Variants in SMARCA2 observed in about 807,000 individuals in gnomAD.
SMARCA2 encodes the protein SWI/SNF related BAF chromatin remodeling complex subunit ATPase 2.
In SMARCA2, 61 loss-of-function variants were observed where a neutral mutation model predicts 199.8. That is an observed-to-expected ratio of 0.31 (90% CI 0.25 to 0.38). The LOEUF (loss-of-function observed/expected upper bound fraction) is 0.38, where lower values mean the gene tolerates loss of function less well. Ranked by LOEUF, SMARCA2 falls within the 10% of genes least tolerant of loss-of-function variation. The pLI, the probability that SMARCA2 is intolerant of heterozygous loss-of-function variation, is 1.00. For missense variants in SMARCA2, 1,344 were observed against 2,012.2 expected (o/e 0.67, Z 6.35); for synonymous variants, 935 against 732.0 (o/e 1.28, Z -4.48).
intron 21 of SMARCA2, among the ~76,000 whole-genome samples, chr9:2,098,046 C>T (rs1307964014): frequency 1.3e-5 from 2 of 152,228 alleles, no homozygotes; most frequent in Non-Finnish European, 2.9e-5. Flanking sequence ...AGGACATTTT[C>T]TGCCATGTTC....
chr9:2,168,194 A>C (rs974321659), intron 28 of SMARCA2, among the ~76,000 whole-genome samples: 5 of 151,876 alleles, frequency 3.3e-5, no homozygotes, highest in African/African-American at 9.7e-5. Context: ...TATTTTTGGT[A>C]GAGACAGGGT....
intron 25 of SMARCA2, among the ~76,000 whole-genome samples, chr9:2,116,432 C>T (rs559914616): frequency 1.2e-3 from 187 of 152,090 alleles, no homozygotes; most frequent in African/African-American, 4.2e-3. Context: ...CTCTCATCCT[C>T]CAGAGCCCTC....
chr9:2,031,998 C>T (rs1356667108), intron 2 of SMARCA2, among the ~76,000 whole-genome samples: 2 of 152,158 alleles, frequency 1.3e-5, no homozygotes, highest in African/African-American at 4.8e-5. Flanking sequence ...CTCTTTATAC[C>T]AGATTCTTCC....
chr9:2,153,425 A>G (rs986084850), intron 27 of SMARCA2, among the ~76,000 whole-genome samples: 5 of 152,016 alleles, frequency 3.3e-5, no homozygotes, highest in African/African-American at 9.7e-5. Context: ...CCCAGCTCTC[A>G]GGAGGGTGAG....
At chr9:2,176,188 T>TTTTTTTTTGTTTTTTTTTTTG (rs1826586894) in intron 29 of SMARCA2, among the ~76,000 whole-genome samples, 1 of 135,562 alleles carries the variant, frequency 7.4e-6, no homozygotes, top group African/African-American at 3.4e-5. Context: ...GCCTGTTTTT[T>TTTTTTTTTGTTTTTTTTTTTG]TTTTTTTTTT....
chr9:2,158,670 C>G (rs950475476), intron 27 of SMARCA2: 51 of 317,228 alleles, frequency 1.6e-4, no homozygotes, highest in African/African-American at 1.1e-3. Flanking sequence ...TTGTGTGTGA[C>G]CCCCCAGCCC....
intron 27 of SMARCA2, among the ~76,000 whole-genome samples, chr9:2,131,821 T>C (rs1041101233): frequency 6.6e-6 from 1 of 151,416 alleles, no homozygotes; most frequent in African/African-American, 2.4e-5. Flanking sequence ...GTGCCTGTAA[T>C]CCCAGCTACT....
Position 2,170,188 on chromosome 9 carries a change from G to A in SMARCA2, c.4200-231G>A, listed in dbSNP as rs1404980076. The stretch of plus-strand genomic sequence containing the variant: ...GTAACAGGAATTTCTGTGTGTGACG[G>A]AAGTAGGAAAATCCCAGAAAGGTTA... On this transcript the variant is annotated intron_variant, in intron 28 of 33. Transcript: ENST00000349721. This position sits in a 1 kb window ranked among gnomAD's most constrained non-coding sequence, Gnocchi z 4.7. Among the ~76,000 whole-genome samples, 2 of 152,146 alleles carry A rather than the reference G, an allele frequency of 1.3e-5. No individual in the cohort carries two copies. Among genetic ancestry groups the A allele is most frequent in the East Asian group, 3.9e-4 (2 of 5,190 alleles).
chr9:2,129,875 G>T (rs1283501031), intron 27 of SMARCA2, among the ~76,000 whole-genome samples: 2 of 152,028 alleles, frequency 1.3e-5, no homozygotes, highest in Non-Finnish European at 2.9e-5. Context: ...TTTTTTTGAG[G>T]CAGGATCTCA....
intron 27 of SMARCA2, among the ~76,000 whole-genome samples, chr9:2,147,099 G>T (rs10811532): frequency 0.6 from 91,722 of 151,978 alleles, 28,280 homozygotes; most frequent in East Asian, 0.8. Flanking sequence ...AGACTGAGGA[G>T]AATTTAAGAA....
intron 23 of SMARCA2, among the ~76,000 whole-genome samples, chr9:2,106,474 T>C (rs1005205834): frequency 6.6e-6 from 1 of 152,230 alleles, no homozygotes; most frequent in Non-Finnish European, 1.5e-5. Flanking sequence ...ACAGATGGAA[T>C]TGAAAAGGCA....
At chr9:2,133,626 TTTCAGTCAGTGTCAGGA>T (rs921406846) in intron 27 of SMARCA2, among the ~76,000 whole-genome samples, 3 of 151,230 alleles carry the variant, frequency 2.0e-5, no homozygotes, top group Non-Finnish European at 2.9e-5. Context: ...AGGCTACATG[TTTCAGTCAGTGTCAGGA>T]TTTAAAAAAA....
rs1818371703 is a variant in SMARCA2, at chr9:2,016,774, T to G, written c.-37+1370T>G. On this transcript the variant is annotated intron_variant, in intron 1 of 33. Coordinates refer to ENST00000349721, the MANE Select transcript of SMARCA2 (RefSeq NM_003070.5). This position sits in a 1 kb window ranked among gnomAD's most constrained non-coding sequence, Gnocchi z 5.6. ...TCTCGCTCCCTGCTCAGGAGTTTGC[T>G]TTATTCCCATCCCAACCTGGTTTAC... is the stretch of plus-strand genomic sequence containing the variant. Among the ~76,000 whole-genome samples, 1 of 152,184 alleles carries G rather than the reference T, an allele frequency of 6.6e-6. No individual in the cohort carries two copies. Among genetic ancestry groups the G allele is most frequent in the Admixed American group, 6.5e-5 (1 of 15,286 alleles).
At chr9:2,177,259 G>T (rs911718207) in intron 29 of SMARCA2, among the ~76,000 whole-genome samples, 1 of 152,172 alleles carries the variant, frequency 6.6e-6, no homozygotes, top group Non-Finnish European at 1.5e-5. Flanking sequence ...GATTCCTTTA[G>T]GATTGTGATA....
At chr9:2,120,752 A>T (rs1208996822) in intron 26 of SMARCA2, among the ~76,000 whole-genome samples, 3 of 152,166 alleles carry the variant, frequency 2.0e-5, no homozygotes, top group African/African-American at 7.2e-5. Flanking sequence ...AAACTGGAAT[A>T]TGCACTTCCC....
chr9:2,147,968 G>C (rs1824854219), intron 27 of SMARCA2, among the ~76,000 whole-genome samples: 2 of 151,472 alleles, frequency 1.3e-5, no homozygotes, highest in African/African-American at 4.8e-5. Flanking sequence ...CAGAGTGCTG[G>C]GATTACAGGT....
chr9:2,160,507 C>T (rs965209944), intron 27 of SMARCA2: 3 of 619,312 alleles, frequency 4.8e-6, no homozygotes, highest in Admixed American at 2.3e-5. Flanking sequence ...TTTCAGGAAG[C>T]GTTGTACATA....
chr9:2,087,129 C>T, intron 18 of SMARCA2, 58 bp downstream of exon 18: 1 of 1,600,936 alleles, frequency 6.2e-7, no homozygotes, highest in Non-Finnish European at 8.5e-7. Context: ...ATGAAAGGCC[C>T]TAAAGCTGAG....
intron 27 of SMARCA2, among the ~76,000 whole-genome samples, chr9:2,139,026 C>A (rs1164290203): frequency 6.6e-6 from 1 of 152,116 alleles, no homozygotes; most frequent in Non-Finnish European, 1.5e-5. Flanking sequence ...TTTGGGGACT[C>A]ACCTGTAGCA....
Sources: allele counts gnomAD v4.1 joint callset (sites outside exome capture counted in the v4.1 genomes callset), GRCh38; gene constraint gnomAD v4.1.1; non-coding constraint Gnocchi (gnomAD v3.1); transcripts MANE v1.5; gene names NCBI Gene and HGNC (gene_info 2026-07-23, HGNC 2026-07-21).